ENY2: variants seen among roughly 807,000 people sequenced by gnomAD.
ENY2 encodes the protein transcription and mRNA export factor ENY2.
ENY2 carries 4 observed loss-of-function variants against 15.9 expected under a neutral mutation model. The observed-to-expected ratio is 0.25, with a 90% CI of 0.12 to 0.57. ENY2 has a LOEUF of 0.57. ENY2 is among the 20% of genes least tolerant of loss of function. The pLI, the probability that ENY2 is intolerant of heterozygous loss-of-function variation, is 0.91. For synonymous variants in ENY2, 48 were observed against 38.0 expected, an observed-to-expected ratio of 1.26 and a Z score of -0.97; for missense variants, 54 against 117.2, an observed-to-expected ratio of 0.46 and a Z score of 2.49.
chr8:109,340,894 A>G (rs765856306), intron 4 of ENY2: 5 of 193,970 alleles, frequency 2.6e-5, no homozygotes, highest in Non-Finnish European at 4.2e-5. Flanking sequence ...GCATGACTCC[A>G]CTTAAATATT....
chr8:109,340,626 G>C, intron 4 of ENY2, 63 bp downstream of exon 4: 18 of 1,589,782 alleles, frequency 1.1e-5, no homozygotes, highest in Non-Finnish European at 1.5e-5. Flanking sequence ...AAAATCTCTT[G>C]CTGGTTCAGA....
chr8:109,334,468 G>A lies in ENY2; in HGVS notation c.-1G>A. 3 of 1,613,786 alleles carry A rather than the reference G, an allele frequency of 1.9e-6. No individual in the cohort carries two copies. Among genetic ancestry groups the A allele is most frequent in the Non-Finnish European group, 2.5e-6 (3 of 1,179,896 alleles). ...GGAAGGGACGGCCCTCGCCCGCGGT[G>A]ATGGTGGTGAGCTATGCCCGTGGTC... On this transcript the variant is annotated 5_prime_UTR_variant, in exon 1 of 5. Coordinates refer to ENST00000521688, the MANE Select transcript of ENY2 (RefSeq NM_020189.6).
At chr8:109,341,025 G>C (rs1816100613) in intron 4 of ENY2, among the ~76,000 whole-genome samples, 1 of 152,062 alleles carries the variant, frequency 6.6e-6, no homozygotes. Flanking sequence ...TTCATGTTCA[G>C]AGTAATTCAT....
intron 3 of ENY2, 170 bp from the exon 4 acceptor site, chr8:109,340,319 A>G: frequency 2.3e-6 from 2 of 866,714 alleles, no homozygotes; most frequent in Non-Finnish European, 3.5e-6. Context: ...TATCTTTTAG[A>G]TCTAAAGAAT....
chr8:109,339,531 TTGG>T lies in ENY2; in HGVS notation c.154+145_154+147del, dbSNP rs1816069609. ...AATTTAATCTTGTAATGGTTTCCTC[TTGG>T]TGGCATATGTAGACCTAATTCCCAA... On this transcript the variant is annotated intron_variant, in intron 3 of 4. Coordinates refer to ENST00000521688, the MANE Select transcript of ENY2 (RefSeq NM_020189.6). The T allele has an allele frequency of 1.7e-5, 12 of 686,650 alleles. 1 individual carries two copies. In the South Asian group the frequency reaches 2.8e-4, roughly 16 times the overall value. The allele number at this position is 686,650 out of a possible 1,614,324, so 42.5% of individuals were successfully genotyped here.
At chr8:109,338,675 G>A (rs145091991) in intron 2 of ENY2, 1 of 152,186 alleles carries the variant, frequency 6.6e-6, no homozygotes, top group Non-Finnish European at 1.5e-5. Flanking sequence ...TATTGCACCT[G>A]TGATGCCATT....
At chr8:109,340,012 CAT>C (rs775840044) in intron 3 of ENY2, among the ~76,000 whole-genome samples, 147 of 152,228 alleles carry the variant, frequency 9.7e-4, no homozygotes, top group Non-Finnish European at 1.3e-3. Context: ...ACTTTAAGGT[CAT>C]ATAGATTTTC....
At chr8:109,341,448 G>A (rs949659454) in intron 4 of ENY2, among the ~76,000 whole-genome samples, 3 of 151,422 alleles carry the variant, frequency 2.0e-5, no homozygotes, top group African/African-American at 4.9e-5. Flanking sequence ...AGTATGTCTC[G>A]GGGAAAGGAA....
At chr8:109,338,052 C>A (rs1334261892) in intron 2 of ENY2, among the ~76,000 whole-genome samples, 2 of 152,040 alleles carry the variant, frequency 1.3e-5, no homozygotes, top group African/African-American at 4.8e-5. Context: ...AGTGGCATAG[C>A]TGGGGAGAAG....
chr8:109,334,382 T>C lies in ENY2; in HGVS notation c.-87T>C. The C allele has an allele frequency of 6.3e-7, 1 of 1,595,608 alleles. No homozygotes were observed. On this transcript the variant is annotated 5_prime_UTR_variant, in exon 1 of 5. Coordinates refer to ENST00000521688, the MANE Select transcript of ENY2 (RefSeq NM_020189.6). ...GTGCCCGAGCTACTGAGGGTCTAAG[T>C]CCGGGCAGCCGAAGAGTGTGGTAGG...
rs544148779 is a variant in ENY2 at position 109,338,243 on chromosome 8, G to T, written c.84-1077G>T. 12 of 152,370 alleles carry T rather than the reference G, an allele frequency of 7.9e-5. No individual in the cohort carries two copies. The East Asian group carries it at 2.1e-3, about 27-fold the overall frequency. 9.4% of individuals were successfully genotyped at this position (152,370 alleles called of 1,614,324 possible). ...AGAGAAGAGATGATGGCTTGAACTAGAGTAGTAATGGCGGAGATAGTGAGA... is the reference window on the plus strand; with the variant it reads ...AGAGAAGAGATGATGGCTTGAACTATAGTAGTAATGGCGGAGATAGTGAGA... On this transcript the variant is annotated intron_variant, in intron 2 of 4. Transcript: ENST00000521688.
chr8:109,340,596 G>A (rs368998406), intron 4 of ENY2, 33 bp downstream of exon 4: 23 of 1,602,572 alleles, frequency 1.4e-5, no homozygotes, highest in Non-Finnish European at 1.9e-5. Flanking sequence ...AAGGAAACAT[G>A]CTGCAGACAT....
intron 1 of ENY2, chr8:109,334,708 T>A (rs1815917528): frequency 3.6e-6 from 2 of 561,726 alleles, no homozygotes; most frequent in Non-Finnish European, 6.2e-6. Context: ...ATGTCTGAAC[T>A]GGGAGGGATA....
intron 1 of ENY2, 185 bp from the exon 2 acceptor site, chr8:109,335,943 C>A: frequency 2.3e-6 from 1 of 438,340 alleles, no homozygotes; most frequent in Non-Finnish European, 4.0e-6. Flanking sequence ...AGCAAACCCA[C>A]ACTGCATTAG....
At chr8:109,339,628 A>C (rs1816071604) in intron 3 of ENY2, 1 of 421,168 alleles carries the variant, frequency 2.4e-6, no homozygotes, top group African/African-American at 2.1e-5. Context: ...AGAATATGGA[A>C]TCTCATGTCT....
chr8:109,339,689 G>T, intron 3 of ENY2: 1 of 276,952 alleles, frequency 3.6e-6, no homozygotes, highest in Non-Finnish European at 6.7e-6. Flanking sequence ...AACACTTTAG[G>T]GTTGGCAGAC....
intron 4 of ENY2, 87 bp from the exon 5 acceptor site, chr8:109,343,318 G>T: frequency 4.8e-6 from 5 of 1,046,358 alleles, no homozygotes; most frequent in Admixed American, 2.3e-5. Flanking sequence ...TTCTTATGTT[G>T]TTTACCCTGA....
chr8:109,342,858 A>G (rs1382598551), intron 4 of ENY2: 2 of 547,086 alleles, frequency 3.7e-6, no homozygotes, highest in African/African-American at 2.0e-5. Context: ...AAAATATGCT[A>G]TGTAAATGTG....
chr8:109,339,547 A>G lies in ENY2; in HGVS notation c.154+157A>G, dbSNP rs1020158590. 5.4e-6 allele frequency: 3 copies of G among 559,158 alleles called. No homozygotes were observed. The African/African-American group carries it at 5.8e-5, about 11-fold the overall frequency. 34.6% of individuals were successfully genotyped at this position (559,158 alleles called of 1,614,324 possible). A position where few individuals can be genotyped will look rare whatever the true frequency, so the allele number is the denominator to read the frequency against. On this transcript the variant is annotated intron_variant, in intron 3 of 4. Transcript: ENST00000521688. ...GGTTTCCTCTTGGTGGCATATGTAGACCTAATTCCCAAATTTTTAGAAATT... is the reference window on the plus strand; with the variant it reads ...GGTTTCCTCTTGGTGGCATATGTAGGCCTAATTCCCAAATTTTTAGAAATT...
Sources: allele counts gnomAD v4.1 joint callset (sites outside exome capture counted in the v4.1 genomes callset), GRCh38; gene constraint gnomAD v4.1.1; transcripts MANE v1.5; gene names NCBI Gene and HGNC (gene_info 2026-07-23, HGNC 2026-07-21).